The following SMARCC2 variants were observed in gnomAD, a reference collection of about 807,000 sequenced individuals.
The protein encoded by SMARCC2 is SWI/SNF complex subunit SMARCC2.
In SMARCC2, 15 loss-of-function variants were observed where a neutral mutation model predicts 151.3. The ratio of observed to expected loss-of-function variants is 0.10; its 90% CI spans 0.07 to 0.15. The LOEUF (loss-of-function observed/expected upper bound fraction) is 0.15, where lower values mean the gene tolerates loss of function less well. Among genes scored for constraint, SMARCC2 ranks in the 10% least tolerant of loss-of-function variants. The pLI, the probability that SMARCC2 is intolerant of heterozygous loss-of-function variation, is 1.00. For synonymous variants in SMARCC2, 590 were observed against 609.5 expected, an observed-to-expected ratio of 0.97 and a Z score of 0.47; for missense variants, 1,031 against 1,599.7, an observed-to-expected ratio of 0.64 and a Z score of 6.06.
At chr12:56,168,430 A>G (rs1335039862) in intron 25 of SMARCC2, among the ~76,000 whole-genome samples, 1 of 150,264 alleles carries the variant, frequency 6.7e-6, no homozygotes, top group Non-Finnish European at 1.5e-5. Flanking sequence ...GCTGGAGTAC[A>G]GTGGCATGAT....
chr12:56,178,608 C>A, intron 13 of SMARCC2, 74 bp from the exon 14 acceptor site: 1 of 1,602,622 alleles, frequency 6.2e-7, no homozygotes, highest in Non-Finnish European at 8.5e-7. Flanking sequence ...CTCCCACACC[C>A]CAGGAATGTG....
rs1464341338 is a variant in SMARCC2, at chr12:56,162,409, A to AG, written c.*1279_*1280insC. On this transcript the variant is annotated 3_prime_UTR_variant, in exon 29 of 29. Transcript: ENST00000550164. ...AAAAAAAAAAAAAAGAAAGAAAGAA[A>AG]AAAAGAGAAAATTTACAGAAAACTT... 1.6e-6 allele frequency: 1 copy of AG among 644,932 alleles called. No individual in the cohort carries two copies. Among genetic ancestry groups the AG allele is most frequent in the East Asian group, 2.7e-5 (1 of 36,618 alleles). 40.0% of individuals were successfully genotyped at this position (644,932 alleles called of 1,614,324 possible). A position where few individuals can be genotyped will look rare whatever the true frequency, so the allele number is the denominator to read the frequency against.
Position 56,184,951 on chromosome 12 carries a change from A to G in SMARCC2, c.400-15T>C. ...AGGCAATTATTCTGTGGAGAGAAGAAATAGAATGAGATTATAGGAAAGGGG... is the reference window on the plus strand; with the variant it reads ...AGGCAATTATTCTGTGGAGAGAAGAGATAGAATGAGATTATAGGAAAGGGG... On this transcript the variant is annotated splice_polypyrimidine_tract_variant and intron_variant, in intron 4 of 28. Coordinates refer to ENST00000550164, the MANE Select transcript of SMARCC2 (RefSeq NM_001330288.2). The G allele has an allele frequency of 1.2e-6, 2 of 1,607,588 alleles. No homozygotes were observed. Among genetic ancestry groups the G allele is most frequent in the Non-Finnish European group, 1.7e-6 (2 of 1,174,062 alleles).
Position 56,182,084 on chromosome 12 carries a change from C to G in SMARCC2, c.633-5G>C. ...GCTGGGATCCACGTGTCGTAACTGCCATGGGAAATTGAGCACACAGTAGAA... is the reference window on the plus strand; with the variant it reads ...GCTGGGATCCACGTGTCGTAACTGCGATGGGAAATTGAGCACACAGTAGAA... On this transcript the variant is annotated splice_polypyrimidine_tract_variant and splice_region_variant and intron_variant, in intron 7 of 28. Transcript: ENST00000550164. 1 of 1,608,112 alleles carries G rather than the reference C, an allele frequency of 6.2e-7. No homozygotes were observed. The highest frequency in any genetic ancestry group is 1.1e-5 in the South Asian group (1 of 90,660).
chr12:56,169,749 C>G (rs747520401), intron 24 of SMARCC2, 27 bp downstream of exon 24: 1 of 1,614,024 alleles, frequency 6.2e-7, no homozygotes, highest in South Asian at 1.1e-5. Context: ...TGTCCTGCAC[C>G]CCCACCTACC....
intron 6 of SMARCC2, 74 bp downstream of exon 6, chr12:56,184,101 T>C (rs1222455195): frequency 1.7e-6 from 2 of 1,199,282 alleles, no homozygotes; most frequent in Admixed American, 1.8e-5. Flanking sequence ...GCCCAGGTAC[T>C]GAATGGTGAT....
chr12:56,184,622 C>G (rs1462484761), intron 5 of SMARCC2: 1 of 562,672 alleles, frequency 1.8e-6, no homozygotes, highest in Admixed American at 3.1e-5. Flanking sequence ...TTCCCCAGGC[C>G]AACATAGTCT....
Position 56,186,154 on chromosome 12 carries a change from C to G in SMARCC2, c.317+1G>C. 6.3e-7 allele frequency: 1 copy of G among 1,592,496 alleles called. No homozygotes were observed. The highest frequency in any genetic ancestry group is 8.6e-7 in the Non-Finnish European group (1 of 1,160,268). On this transcript the variant is annotated splice_donor_variant, in intron 3 of 28. Coordinates refer to ENST00000550164, the MANE Select transcript of SMARCC2 (RefSeq NM_001330288.2). LOFTEE classifies it high-confidence loss of function. Reference sequence around the variant, plus strand: ...AAGAAGAATAGAGAGAATCATCTCACCATCCCTGGTCACTCTTGAATTTGT... The same window carrying G: ...AAGAAGAATAGAGAGAATCATCTCAGCATCCCTGGTCACTCTTGAATTTGT...
chr12:56,180,987 A>G lies in SMARCC2; in HGVS notation c.1071T>C (p.Leu357=). The G allele has an allele frequency of 6.2e-7, 1 of 1,612,610 alleles. No homozygotes were observed. Among genetic ancestry groups the G allele is most frequent in the Non-Finnish European group, 8.5e-7 (1 of 1,179,198 alleles). Residue 357 remains leucine, a synonymous_variant, in exon 11 of 29, where the codon CTT becomes CTC. Transcript: ENST00000550164. The stretch of plus-strand genomic sequence containing the variant: ...CAGCCTGGCCTGTACCTGTTTTGGG[A>G]AGTGTCACCTCTTCTACATTGGGGA... ...SPVPNVEEVT[L]PKTVNTKKDS...
At position 56,165,334 on chromosome 12, in the gene SMARCC2, G is replaced by C. The variant is rs759534378; in HGVS notation, c.3216C>G (p.Pro1072=). 6.7e-7 allele frequency: 1 copy of C among 1,495,324 alleles called. No individual in the cohort carries two copies. Among genetic ancestry groups the C allele is most frequent in the Non-Finnish European group, 8.9e-7 (1 of 1,125,670 alleles). 92.6% of individuals were successfully genotyped at this position (1,495,324 alleles called of 1,614,324 possible). A position where few individuals can be genotyped will look rare whatever the true frequency, so the allele number is the denominator to read the frequency against. ...AACACTTACCATGGGGTCCAGGGGGGGGAACCCCTGGTGGGACTGCCCCAG... is the reference window on the plus strand; with the variant it reads ...AACACTTACCATGGGGTCCAGGGGGCGGAACCCCTGGTGGGACTGCCCCAG... ...PQPGAVPPGV[P]PPGPHGPSPF... Residue 1072 remains proline (P), a synonymous_variant, in exon 27 of 29, where the codon CCC becomes CCG. Coordinates refer to ENST00000550164, the MANE Select transcript of SMARCC2 (RefSeq NM_001330288.2).
rs1344666746 is a variant in SMARCC2 at position 56,174,761 on chromosome 12, G to A, written c.1386C>T (p.Tyr462=). ...GKNKSKTPEI[Y]LAYRNFMIDT... is the part of the protein sequence containing the mutation. ...CAATCATAAAGTTTCGATAGGCCAG[G>A]TAGCTTAGAAGAAAGAGAGAGAGAA... The change falls in exon 16 of 29, where the codon TAC becomes TAT. Residue 462 remains tyrosine (Y), a synonymous_variant. Coordinates refer to ENST00000550164, the MANE Select transcript of SMARCC2 (RefSeq NM_001330288.2). 4 of 1,595,778 alleles carry A rather than the reference G, an allele frequency of 2.5e-6. No homozygotes were observed. The East Asian group carries it at 8.9e-5, about 36-fold the overall frequency.
At chr12:56,181,421 C>T (rs1284637453) in intron 10 of SMARCC2, 61 bp downstream of exon 10, 3 of 1,086,256 alleles carry the variant, frequency 2.8e-6, no homozygotes, top group Non-Finnish European at 4.0e-6. Flanking sequence ...TTTGTCTTTC[C>T]TTCCTTCAAC....
In SMARCC2 at chr12:56,162,412, A is replaced by C. The variant is rs1565886488; in HGVS notation, c.*1277T>G. 3.1e-6 allele frequency: 2 copies of C among 644,748 alleles called. No homozygotes were observed. The highest frequency in any genetic ancestry group is 3.7e-5 in the African/African-American group (2 of 54,256). The allele number at this position is 644,748 out of a possible 1,614,324, so 39.9% of individuals were successfully genotyped here. On this transcript the variant is annotated 3_prime_UTR_variant, in exon 29 of 29. Transcript: ENST00000550164. ...AAAAAAAAAAAGAAAGAAAGAAAAA[A>C]AGAGAAAATTTACAGAAAACTTTGA...
chr12:56,170,672 C>T (rs934308585), intron 22 of SMARCC2, among the ~76,000 whole-genome samples: 1 of 151,754 alleles, frequency 6.6e-6, no homozygotes, highest in Non-Finnish European at 1.5e-5. Flanking sequence ...ACCTCAGCCT[C>T]CCAAAGTACT....
chr12:56,189,200 C>T (rs1159018003), intron 1 of SMARCC2, 151 bp downstream of exon 1: 5 of 253,012 alleles, frequency 2.0e-5, no homozygotes, highest in Non-Finnish European at 3.2e-5. Flanking sequence ...GGGAGGGGCG[C>T]GGGAGCGCAG....
chr12:56,178,259 G>A (rs1457177665), intron 14 of SMARCC2, 145 bp downstream of exon 14: 9 of 991,844 alleles, frequency 9.1e-6, no homozygotes, highest in Non-Finnish European at 1.4e-5. Context: ...AAGGACACAA[G>A]GAGCTCCCCT....
chr12:56,174,540 C>CT (rs1243728151), intron 16 of SMARCC2, 111 bp downstream of exon 16: 7 of 710,200 alleles, frequency 9.9e-6, no homozygotes, highest in African/African-American at 1.8e-5. Context: ...TCTAGAGGTG[C>CT]TTTTTTCTGT....
chr12:56,172,373 C>T, intron 20 of SMARCC2, 55 bp downstream of exon 20: 1 of 1,476,822 alleles, frequency 6.8e-7, no homozygotes, highest in Non-Finnish European at 9.1e-7. Context: ...TGAGCCTCTA[C>T]ACGGAGCCCA....
rs1271228921 is a variant in SMARCC2 at position 56,171,366 on chromosome 12, T to C, written c.2252A>G (p.Glu751Gly). ...CTTGCCTGTTACTTTGGCTGCTTCT[T>C]CCACTTTTCGAACATGGGCCTCCAC... is the stretch of plus-strand genomic sequence containing the variant. ...ALVEAHVRKV[E>G]EAAKVTGKAD... Residue 751 changes from glutamate to glycine, a missense_variant, in exon 22 of 29, where the codon GAA becomes GGA. Around this residue, in one of 12 missense-constraint regions of SMARCC2, gnomAD observed 119 missense variants for 184.2 expected, o/e 0.65. Transcript: ENST00000550164. The surrounding 1 kb of genome is among the most constrained non-coding windows in gnomAD (Gnocchi z 4.2). The C allele has an allele frequency of 6.2e-7, 1 of 1,614,208 alleles. No homozygotes were observed. The highest frequency in any genetic ancestry group is 1.1e-5 in the South Asian group (1 of 91,092).
Sources: allele counts gnomAD v4.1 joint callset (sites outside exome capture counted in the v4.1 genomes callset), GRCh38; gene constraint gnomAD v4.1.1; regional missense constraint gnomAD v4.1.1; non-coding constraint Gnocchi (gnomAD v3.1); transcripts MANE v1.5; gene names NCBI Gene and HGNC (gene_info 2026-07-23, HGNC 2026-07-21).